GALNT2: variants seen among roughly 807,000 people sequenced by gnomAD.
GALNT2 encodes polypeptide N-acetylgalactosaminyltransferase 2, also known as UDP-GalNAc:polypeptide N-acetylgalactosaminyltransferase 2.
A neutral mutation model predicts 81.4 loss-of-function variants in GALNT2; 31 were observed. That is an observed-to-expected ratio of 0.38 (90% CI 0.29 to 0.51). GALNT2 has a LOEUF of 0.51. Among genes scored for constraint, GALNT2 ranks in the 20% least tolerant of loss-of-function variants. GALNT2 has a pLI of 0.87. For synonymous variants in GALNT2, 303 were observed against 287.4 expected (o/e 1.05, Z -0.55); for missense variants, 629 against 765.7 (o/e 0.82, Z 2.11).
At chr1:230,182,662 T>C (rs1322808210) in intron 2 of GALNT2, among the ~76,000 whole-genome samples, 1 of 152,224 alleles carries the variant, frequency 6.6e-6, no homozygotes, top group Non-Finnish European at 1.5e-5. Context: ...GTGGCCTCTT[T>C]TGGTGAATGT....
At chr1:230,215,426 C>T (rs560680560) in intron 3 of GALNT2, among the ~76,000 whole-genome samples, 1 of 152,368 alleles carries the variant, frequency 6.6e-6, no homozygotes, top group South Asian at 2.1e-4. Flanking sequence ...GCTTTGCTAG[C>T]TCTCTAGTGC....
intron 6 of GALNT2, among the ~76,000 whole-genome samples, chr1:230,239,954 A>G (rs980925224): frequency 2.0e-5 from 3 of 152,092 alleles, no homozygotes; most frequent in Non-Finnish European, 4.4e-5. Flanking sequence ...TTGCATTTCC[A>G]TTTCCCTTCC....
intron 1 of GALNT2, among the ~76,000 whole-genome samples, chr1:230,067,874 C>T (rs1407072722): frequency 6.6e-6 from 1 of 152,230 alleles, no homozygotes; most frequent in Non-Finnish European, 1.5e-5. Context: ...CGTCCCTTTC[C>T]CCCTGTCACT....
At chr1:230,245,390 C>T (rs1665334557) in intron 7 of GALNT2, among the ~76,000 whole-genome samples, 3 of 151,548 alleles carry the variant, frequency 2.0e-5, no homozygotes, top group South Asian at 2.1e-4. Context: ...CTTGAACCCG[C>T]GAGGCGGCGG....
chr1:230,152,771 C>T lies in GALNT2; in HGVS notation c.127-25447C>T, dbSNP rs186038360. ...GCCTGCGTCCACTCTCAGGTAGCTT[C>T]CTCTTTGAACCGCTTGTCATTGTGA... On this transcript the variant is annotated intron_variant, in intron 1 of 15. Transcript: ENST00000366672. 2.9e-3 allele frequency among the ~76,000 whole-genome samples: 442 copies of T among 152,344 alleles called. 2 individuals carry two copies. The highest frequency in any genetic ancestry group is 3.4e-3 in the Non-Finnish European group (234 of 68,030).
intron 1 of GALNT2, among the ~76,000 whole-genome samples, chr1:230,113,900 T>C (rs892153935): frequency 1.3e-5 from 2 of 151,994 alleles, no homozygotes; most frequent in African/African-American, 4.8e-5. Context: ...GTCATTGGAT[T>C]TGTTTTTTGT....
chr1:230,074,132 A>AC (rs1659460005), intron 1 of GALNT2, among the ~76,000 whole-genome samples: 1 of 150,208 alleles, frequency 6.7e-6, no homozygotes, highest in South Asian at 2.1e-4. Flanking sequence ...GTACTCTGCC[A>AC]CCCAGGTTAG....
intron 3 of GALNT2, among the ~76,000 whole-genome samples, chr1:230,211,152 G>A (rs767401125): frequency 6.6e-6 from 1 of 152,150 alleles, no homozygotes; most frequent in Non-Finnish European, 1.5e-5. Flanking sequence ...ATAAACATGC[G>A]CCGCTGGCCT....
At chr1:230,115,332 G>A (rs1660813497) in intron 1 of GALNT2, among the ~76,000 whole-genome samples, 1 of 152,184 alleles carries the variant, frequency 6.6e-6, no homozygotes, top group South Asian at 2.1e-4. Context: ...CAAATGTACA[G>A]ACACACGTCT....
At chr1:230,099,157 G>A (rs1170002837) in intron 1 of GALNT2, among the ~76,000 whole-genome samples, 2 of 152,200 alleles carry the variant, frequency 1.3e-5, no homozygotes, top group Non-Finnish European at 2.9e-5. Context: ...TGCAAAGTAG[G>A]TATCACGCTC....
chr1:230,221,609 C>A (rs1317246579), intron 3 of GALNT2, among the ~76,000 whole-genome samples: 1 of 152,176 alleles, frequency 6.6e-6, no homozygotes, highest in Non-Finnish European at 1.5e-5. Flanking sequence ...GAATTTAGAA[C>A]AAATTCCTAA....
chr1:230,105,065 C>T (rs1660503644), intron 1 of GALNT2, among the ~76,000 whole-genome samples: 1 of 152,356 alleles, frequency 6.6e-6, no homozygotes, highest in Non-Finnish European at 1.5e-5. Flanking sequence ...AAGGAGCGTA[C>T]TGATGCCAGA....
At chr1:230,191,334 G>A (rs1262810563) in intron 2 of GALNT2, among the ~76,000 whole-genome samples, 2 of 152,206 alleles carry the variant, frequency 1.3e-5, no homozygotes, top group East Asian at 1.9e-4. Context: ...AGCAGTGTCC[G>A]ATGAGGAACA....
At chr1:230,104,244 C>T (rs191019445) in intron 1 of GALNT2, among the ~76,000 whole-genome samples, 2 of 152,194 alleles carry the variant, frequency 1.3e-5, no homozygotes, top group Admixed American at 6.5e-5. Context: ...TAGAGCTCCC[C>T]GAACAGGGTC....
At chr1:230,163,412 C>T (rs900991920) in intron 1 of GALNT2, among the ~76,000 whole-genome samples, 3 of 152,196 alleles carry the variant, frequency 2.0e-5, no homozygotes, top group African/African-American at 2.4e-5. Context: ...GTCACTCCGG[C>T]GATCTCTCAT....
At chr1:230,236,267 G>A in intron 4 of GALNT2, 86 bp from the exon 5 acceptor site, 1 of 1,442,370 alleles carries the variant, frequency 6.9e-7, no homozygotes, top group Non-Finnish European at 9.7e-7. Context: ...CAAGGGTTAG[G>A]ACCAACATAT....
intron 1 of GALNT2, among the ~76,000 whole-genome samples, chr1:230,089,416 G>A (rs1001047834): frequency 1.3e-5 from 2 of 152,122 alleles, no homozygotes; most frequent in African/African-American, 4.8e-5. Context: ...GCCTCCCAAA[G>A]TGCTGGGATT....
At chr1:230,265,989 C>G (rs1263133969) in intron 14 of GALNT2, among the ~76,000 whole-genome samples, 1 of 152,138 alleles carries the variant, frequency 6.6e-6, no homozygotes, top group Non-Finnish European at 1.5e-5. Context: ...GTCAGGAGTT[C>G]AAGACCAGCC....
chr1:230,071,079 A>C (rs527279480), intron 1 of GALNT2, among the ~76,000 whole-genome samples: 1 of 152,322 alleles, frequency 6.6e-6, no homozygotes, highest in South Asian at 2.1e-4. Flanking sequence ...AATAACTGCT[A>C]TCTCTAAAAG....
Sources: gnomAD v4.1 joint callset for allele counts (sites outside exome capture counted in the v4.1 genomes callset) on GRCh38, gnomAD v4.1.1 for gene constraint, MANE v1.5 for transcripts, NCBI Gene and HGNC (gene_info 2026-07-23, HGNC 2026-07-21) for gene names.